The following PDIA5 variants were observed in gnomAD, a reference collection of about 807,000 sequenced individuals.
The protein encoded by PDIA5 is protein disulfide-isomerase A5.
Under a neutral mutation model 77.6 loss-of-function variants are expected in PDIA5, and 58 were observed. The observed-to-expected ratio is 0.75, with a 90% confidence interval of 0.61 to 0.93. The LOEUF is 0.93. Ranked by LOEUF, PDIA5 falls within the 40% of genes least tolerant of loss-of-function variation. PDIA5 has a pLI of 0.00. For missense variants in PDIA5, 630 were observed against 647.7 expected (o/e 0.97, Z 0.30); for synonymous variants, 250 against 252.1 (o/e 0.99, Z 0.08).
intron 3 of PDIA5, among the ~76,000 whole-genome samples, chr3:123,101,995 T>C (rs1454804252): frequency 7.2e-6 from 1 of 138,888 alleles, no homozygotes; most frequent in Non-Finnish European, 1.5e-5. Context: ...CTGCAACCTC[T>C]GCCTCCTGGG....
At chr3:123,114,925 G>C (rs1017266850) in intron 7 of PDIA5, among the ~76,000 whole-genome samples, 1 of 152,190 alleles carries the variant, frequency 6.6e-6, no homozygotes, top group Non-Finnish European at 1.5e-5. Flanking sequence ...ATGTCAGGAG[G>C]GGGCTGTGGG....
chr3:123,104,133 A>G (rs1934673303), intron 5 of PDIA5, among the ~76,000 whole-genome samples: 1 of 152,204 alleles, frequency 6.6e-6, no homozygotes, highest in African/African-American at 2.4e-5. Flanking sequence ...CTTCTTACAA[A>G]GACCAGACGT....
chr3:123,124,633 A>G (rs1935200279), intron 10 of PDIA5, among the ~76,000 whole-genome samples: 1 of 152,108 alleles, frequency 6.6e-6, no homozygotes, highest in African/African-American at 2.4e-5. Context: ...CACGGGTTGG[A>G]ACTGGGGAGG....
At chr3:123,082,831 A>G (rs886802489) in intron 1 of PDIA5, among the ~76,000 whole-genome samples, 1 of 151,998 alleles carries the variant, frequency 6.6e-6, no homozygotes, top group Non-Finnish European at 1.5e-5. Flanking sequence ...GTAGGTGGGG[A>G]GTTGACACTC....
intron 6 of PDIA5, among the ~76,000 whole-genome samples, chr3:123,109,666 A>T (rs1399628277): frequency 1.3e-5 from 2 of 152,098 alleles, no homozygotes; most frequent in Non-Finnish European, 2.9e-5. Context: ...ATTGTTGAAA[A>T]TTTAGAAAAT....
At chr3:123,161,535 T>C (rs1389645227) in intron 16 of PDIA5, 80 bp downstream of exon 16, 2 of 1,456,870 alleles carry the variant, frequency 1.4e-6, no homozygotes, top group Non-Finnish European at 1.9e-6. Flanking sequence ...GGGGCAGCAC[T>C]GGGCAGCATC....
At chr3:123,129,053 A>G (rs1208659097) in intron 10 of PDIA5, among the ~76,000 whole-genome samples, 1 of 93,342 alleles carries the variant, frequency 1.1e-5, no homozygotes, top group African/African-American at 3.7e-5. Context: ...CGTCCTTCCA[A>G]TTTTCGCTAT....
Position 123,127,844 on chromosome 3 carries a change from C to A in PDIA5, c.774-2636C>A, listed in dbSNP as rs1018346930. Among the ~76,000 whole-genome samples the A allele has an allele frequency of 2.0e-5, 3 of 152,322 alleles. No individual in the cohort carries two copies. In the South Asian group the frequency reaches 6.2e-4, roughly 32 times the overall value. On this transcript the variant is annotated intron_variant, in intron 10 of 16. Transcript: ENST00000316218. ...TTTTCCCTGAATGAGGGGAATGAGC[C>A]TTCCCTCATTCAAGGAATGCTCCTG...
chr3:123,151,836 C>A (rs1708380260), intron 14 of PDIA5, among the ~76,000 whole-genome samples: 1 of 148,840 alleles, frequency 6.7e-6, no homozygotes, highest in African/African-American at 2.5e-5. Context: ...TGCCTTCCTG[C>A]CTGCCTGCCT....
At chr3:123,135,745 C>CTTTTTTTTTTTTTTTTTTTTTTTTTTTTT (rs766560888) in intron 11 of PDIA5, among the ~76,000 whole-genome samples, 1 of 80,468 alleles carries the variant, frequency 1.2e-5, no homozygotes, top group Non-Finnish European at 2.2e-5. Flanking sequence ...GAGGTAACAA[C>CTTTTTTTTTTTTTTTTTTTTTTTTTTTTT]TTTTTTTTTT....
chr3:123,107,638 T>A (rs771635995), intron 6 of PDIA5, among the ~76,000 whole-genome samples: 15 of 152,328 alleles, frequency 9.8e-5, no homozygotes, highest in Non-Finnish European at 1.6e-4. Flanking sequence ...GTATGATGCC[T>A]TCACTTGGGA....
intron 1 of PDIA5, among the ~76,000 whole-genome samples, chr3:123,088,887 G>T (rs1176314246): frequency 6.6e-6 from 1 of 152,118 alleles, no homozygotes; most frequent in Non-Finnish European, 1.5e-5. Flanking sequence ...TCCATCCATG[G>T]TTGGTCAAAT....
At chr3:123,157,665 G>A (rs1936050797) in intron 15 of PDIA5, among the ~76,000 whole-genome samples, 1 of 152,200 alleles carries the variant, frequency 6.6e-6, no homozygotes, top group South Asian at 2.1e-4. Context: ...GTCAATATTA[G>A]CTCCTGCAGA....
rs11916392 is a variant in PDIA5, at chr3:123,082,626, C to G, written c.43-6542C>G. 9.5e-3 allele frequency among the ~76,000 whole-genome samples: 1,446 copies of G among 152,036 alleles called. 22 individuals are homozygous for G. The highest frequency in any genetic ancestry group is 0.032 in the African/African-American group (1,324 of 41,482). Reference sequence around the variant, plus strand: ...TGCCCTGCCTGATTGCAGGCAGGGCCCCTGGAGAGGAAGAGGTGGTCCCCG... The same window carrying G: ...TGCCCTGCCTGATTGCAGGCAGGGCGCCTGGAGAGGAAGAGGTGGTCCCCG... On this transcript the variant is annotated intron_variant, in intron 1 of 16. Coordinates refer to ENST00000316218, the MANE Select transcript of PDIA5 (RefSeq NM_006810.4).
At chr3:123,100,167 G>A (rs1458195107) in intron 3 of PDIA5, among the ~76,000 whole-genome samples, 1 of 152,240 alleles carries the variant, frequency 6.6e-6, no homozygotes, top group East Asian at 1.9e-4. Context: ...GTGAGTGGTT[G>A]TAAACATCCT....
At position 123,151,733 on chromosome 3, in the gene PDIA5, T is replaced by TGCC. The variant is rs1413778416; in HGVS notation, c.1273+1369_1273+1370insGCC. On this transcript the variant is annotated intron_variant, in intron 14 of 16. Transcript: ENST00000316218. ...CTGCCAAAGATCTACAACTCCTTCC[T>TGCC]TCCTGCCTGCCTGCCTGCCTGCCTG... Among the ~76,000 whole-genome samples, 27 of 143,252 alleles carry TGCC rather than the reference T, an allele frequency of 1.9e-4. No individual in the cohort carries two copies. The East Asian group carries it at 2.3e-3, about 12-fold the overall frequency. 94.0% of individuals were successfully genotyped at this position (143,252 alleles called of 152,430 possible).
chr3:123,131,982 A>G (rs774853913), intron 11 of PDIA5, among the ~76,000 whole-genome samples: 3 of 152,156 alleles, frequency 2.0e-5, no homozygotes, highest in Non-Finnish European at 4.4e-5. Context: ...ATAGAGGCAT[A>G]TTCTATCAGG....
intron 5 of PDIA5, among the ~76,000 whole-genome samples, chr3:123,103,405 G>A (rs1042278163): frequency 6.6e-6 from 1 of 152,182 alleles, no homozygotes; most frequent in African/African-American, 2.4e-5. Context: ...CCTTCCTCCA[G>A]CCTGTCTTCT....
intron 13 of PDIA5, among the ~76,000 whole-genome samples, chr3:123,148,423 C>G (rs1049727654): frequency 2.0e-5 from 3 of 151,914 alleles, no homozygotes; most frequent in African/African-American, 7.3e-5. Context: ...AAAAAAATTA[C>G]CTGGGCATGG....
Sources: allele counts gnomAD v4.1 joint callset (sites outside exome capture counted in the v4.1 genomes callset), GRCh38; gene constraint gnomAD v4.1.1; transcripts MANE v1.5; gene names NCBI Gene and HGNC (gene_info 2026-07-23, HGNC 2026-07-21).